Variants in SCLT1 observed in about 807,000 individuals in gnomAD.
SCLT1 encodes sodium channel-associated protein 1.
SCLT1 carries 78 observed loss-of-function variants against 112.8 expected under a neutral mutation model. The observed-to-expected ratio is 0.69, with a 90% CI of 0.58 to 0.83. The LOEUF (loss-of-function observed/expected upper bound fraction) is 0.83, where lower values mean the gene tolerates loss of function less well. SCLT1 is among the 40% of genes least tolerant of loss of function. SCLT1 has a pLI of 0.00. For synonymous variants in SCLT1, 257 were observed against 254.7 expected, an observed-to-expected ratio of 1.01 and a Z score of -0.09; for missense variants, 747 against 770.4, an observed-to-expected ratio of 0.97 and a Z score of 0.36.
Position 128,943,007 on chromosome 4 carries a change from C to CTTT in SCLT1, c.1618_1620dup (p.Lys540dup). ...AGTCTTGAAAATACCTTTACTTTGG[C>CTTT]TTTTTTTTGAGCCTCCAGGGCAATC... On this transcript the variant is annotated inframe_insertion, in exon 17 of 21. Transcript: ENST00000281142. 1 of 1,600,050 alleles carries CTTT rather than the reference C, an allele frequency of 6.2e-7. No individual in the cohort carries two copies. The highest frequency in any genetic ancestry group is 8.5e-7 in the Non-Finnish European group (1 of 1,173,000).
chr4:128,884,559 T>G lies in SCLT1; in HGVS notation c.2005-20A>C. On this transcript the variant is annotated intron_variant, in intron 20 of 20. Coordinates refer to ENST00000281142, the MANE Select transcript of SCLT1 (RefSeq NM_144643.4). ...ACTGAGCTGCAATTAAAATAAACAATCGGTAAGTAGTTACTTTTTCTGTGG... is the reference window on the plus strand; with the variant it reads ...ACTGAGCTGCAATTAAAATAAACAAGCGGTAAGTAGTTACTTTTTCTGTGG... 1 of 1,537,224 alleles carries G rather than the reference T, an allele frequency of 6.5e-7. No individual in the cohort carries two copies. Among genetic ancestry groups the G allele is most frequent in the Non-Finnish European group, 9.0e-7 (1 of 1,112,168 alleles).
At chr4:129,057,997 C>G (rs922721891) in intron 2 of SCLT1, among the ~76,000 whole-genome samples, 2 of 152,154 alleles carry the variant, frequency 1.3e-5, no homozygotes, top group Non-Finnish European at 2.9e-5. Flanking sequence ...GATCCACCCA[C>G]TTTGGCCTCC....
In SCLT1 at chr4:128,897,067, G is replaced by A. The variant is rs1301899127; in HGVS notation, c.1830-5930C>T. Among the ~76,000 whole-genome samples, 11 of 152,154 alleles carry A rather than the reference G, an allele frequency of 7.2e-5. 1 individual carries two copies. The highest frequency in any genetic ancestry group is 5.8e-4 in the East Asian group (3 of 5,196). On this transcript the variant is annotated intron_variant, in intron 18 of 20. Coordinates refer to ENST00000281142, the MANE Select transcript of SCLT1 (RefSeq NM_144643.4). ...TCTGATTGGTGTACCTGAAAGTGAC[G>A]GGGAGAATGGAACCAAGTTGGAAAA...
intron 20 of SCLT1, among the ~76,000 whole-genome samples, chr4:128,887,967 G>C (rs1235636674): frequency 6.6e-6 from 1 of 152,046 alleles, no homozygotes; most frequent in Non-Finnish European, 1.5e-5. Context: ...TCTCTGCCTG[G>C]TTTTAGATAG....
chr4:129,004,561 A>G (rs1743827149), intron 5 of SCLT1, among the ~76,000 whole-genome samples: 1 of 152,128 alleles, frequency 6.6e-6, no homozygotes, highest in Non-Finnish European at 1.5e-5. Context: ...AAAATAATAC[A>G]TACTTAAGAG....
chr4:128,957,107 C>T lies in SCLT1; in HGVS notation c.1065G>A (p.Lys355=). 1 of 1,590,222 alleles carries T rather than the reference C, an allele frequency of 6.3e-7. No individual in the cohort carries two copies. Among genetic ancestry groups the T allele is most frequent in the South Asian group, 1.1e-5 (1 of 88,380 alleles). ...LQKSQALLEE[K]QKEEDIEKMK... is the part of the protein sequence containing the mutation. Reference sequence around the variant, plus strand: ...TTTTCTCTATGTCTTCTTCTTTTTGCTTCTCCTCAAGTAGAGCCTTCAGAA... The same window carrying T: ...TTTTCTCTATGTCTTCTTCTTTTTGTTTCTCCTCAAGTAGAGCCTTCAGAA... Residue 355 remains lysine (K), a synonymous_variant, in exon 13 of 21, where the codon AAG becomes AAA. Transcript: ENST00000281142.
intron 2 of SCLT1, among the ~76,000 whole-genome samples, chr4:129,058,176 T>C (rs1414213259): frequency 2.0e-5 from 3 of 152,226 alleles, no homozygotes; most frequent in Non-Finnish European, 4.4e-5. Context: ...TAATGAATTT[T>C]TCATTTTGTT....
At chr4:129,071,944 G>A (rs1388818453) in intron 2 of SCLT1, among the ~76,000 whole-genome samples, 3 of 152,096 alleles carry the variant, frequency 2.0e-5, no homozygotes, top group African/African-American at 7.2e-5. Context: ...GTTCTGTTTT[G>A]ATGTGCTTCC....
chr4:128,924,592 A>G (rs1736146197), intron 18 of SCLT1, among the ~76,000 whole-genome samples: 1 of 152,132 alleles, frequency 6.6e-6, no homozygotes, highest in Non-Finnish European at 1.5e-5. Context: ...AATTTAATAT[A>G]GTCCACTTTA....
intron 9 of SCLT1, chr4:128,972,336 C>T (rs1244694383): frequency 6.6e-6 from 1 of 151,378 alleles, no homozygotes; most frequent in Non-Finnish European, 1.5e-5. Context: ...GCTTGTTCTA[C>T]TTGTTTCATG....
intron 18 of SCLT1, among the ~76,000 whole-genome samples, chr4:128,914,418 TG>T (rs1001593092): frequency 2.6e-5 from 4 of 151,598 alleles, no homozygotes; most frequent in Non-Finnish European, 5.9e-5. Context: ...AAATCCTTAA[TG>T]TGATAGATGT....
chr4:129,004,410 C>A (rs181979049), intron 5 of SCLT1, among the ~76,000 whole-genome samples: 1 of 152,014 alleles, frequency 6.6e-6, no homozygotes, highest in African/African-American at 2.4e-5. Flanking sequence ...TTCAGCACAT[C>A]CTTATATAAG....
chr4:129,060,277 T>C (rs924647495), intron 2 of SCLT1, among the ~76,000 whole-genome samples: 3 of 152,220 alleles, frequency 2.0e-5, no homozygotes, highest in Admixed American at 6.5e-5. Flanking sequence ...TTTTACTTCA[T>C]TGGGTTACCT....
intron 1 of SCLT1, among the ~76,000 whole-genome samples, chr4:129,085,532 T>A (rs993176966): frequency 6.6e-6 from 1 of 152,142 alleles, no homozygotes; most frequent in African/African-American, 2.4e-5. Context: ...CAAAGGAATA[T>A]AAATCATTCT....
chr4:128,921,736 G>A (rs1735899550), intron 18 of SCLT1, among the ~76,000 whole-genome samples: 1 of 152,072 alleles, frequency 6.6e-6, no homozygotes, highest in Admixed American at 6.6e-5. Context: ...ATAGGCCCTG[G>A]CAAAGATTTT....
chr4:129,069,873 A>G (rs1429796551), intron 2 of SCLT1, among the ~76,000 whole-genome samples: 2 of 152,078 alleles, frequency 1.3e-5, no homozygotes, highest in Non-Finnish European at 2.9e-5. Context: ...CCCATTCAGT[A>G]TTAGTTGGCT....
intron 1 of SCLT1, among the ~76,000 whole-genome samples, chr4:129,085,955 T>G (rs1171227575): frequency 6.6e-6 from 1 of 152,094 alleles, no homozygotes; most frequent in Non-Finnish European, 1.5e-5. Context: ...CAAATGCCCA[T>G]GACACAAGTT....
At chr4:129,012,290 AACG>A (rs1244481675) in intron 5 of SCLT1, among the ~76,000 whole-genome samples, 37 of 152,074 alleles carry the variant, frequency 2.4e-4, no homozygotes, top group African/African-American at 6.5e-4. Context: ...TATTTACCCA[AACG>A]TCATTCAGGA....
chr4:129,033,698 A>T (rs964703144), intron 5 of SCLT1, among the ~76,000 whole-genome samples: 2 of 152,018 alleles, frequency 1.3e-5, no homozygotes, highest in African/African-American at 4.8e-5. Context: ...GGAGAAACAC[A>T]TTCAAGGCAG....
Sources: gnomAD v4.1 joint callset for allele counts (sites outside exome capture counted in the v4.1 genomes callset) on GRCh38, gnomAD v4.1.1 for gene constraint, MANE v1.5 for transcripts, NCBI Gene and HGNC (gene_info 2026-07-23, HGNC 2026-07-21) for gene names.